DLG2: variants seen among roughly 807,000 people sequenced by gnomAD.
DLG2 encodes discs large MAGUK scaffold protein 2.
In DLG2, 45 loss-of-function variants were observed where a neutral mutation model predicts 132.5. The ratio of observed to expected loss-of-function variants is 0.34; its 90% CI spans 0.27 to 0.44. The LOEUF is 0.44. Ranked by LOEUF, DLG2 falls within the 20% of genes least tolerant of loss-of-function variation. The pLI, the probability that DLG2 is intolerant of heterozygous loss-of-function variation, is 1.00. For missense variants in DLG2, 1,045 were observed against 1,196.9 expected, an observed-to-expected ratio of 0.87 and a Z score of 1.87; for synonymous variants, 424 against 419.6, an observed-to-expected ratio of 1.01 and a Z score of -0.13.
chr11:84,536,144 A>T (rs932063376), intron 6 of DLG2, among the ~76,000 whole-genome samples: 6 of 152,090 alleles, frequency 3.9e-5, no homozygotes, highest in African/African-American at 1.4e-4. Context: ...TATCTCTCTC[A>T]ACAAAAATAA....
intron 7 of DLG2, among the ~76,000 whole-genome samples, chr11:84,521,106 T>C (rs1436703956): frequency 5.3e-5 from 8 of 152,202 alleles, no homozygotes; most frequent in Non-Finnish European, 1.2e-4. Flanking sequence ...AGTTAAATAA[T>C]GATGAGACTT....
Position 84,050,640 on chromosome 11 carries a change from T to C in DLG2, c.919+8675A>G, listed in dbSNP as rs192661379. On this transcript the variant is annotated intron_variant, in intron 11 of 27. Coordinates refer to ENST00000376104, the MANE Select transcript of DLG2 (RefSeq NM_001142699.3). Reference sequence around the variant, plus strand: ...TTGCCTAGGTTTTCTTCTAGGTTTGTATGGTTTTAGGTCTAACATTTAAGT... The same window carrying C: ...TTGCCTAGGTTTTCTTCTAGGTTTGCATGGTTTTAGGTCTAACATTTAAGT... Among the ~76,000 whole-genome samples the C allele has an allele frequency of 2.3e-3, 343 of 152,218 alleles. 1 individual carries two copies. The highest frequency in any genetic ancestry group is 4.2e-3 in the Non-Finnish European group (284 of 67,990).
chr11:84,641,785 T>C (rs963407423), intron 6 of DLG2, among the ~76,000 whole-genome samples: 2 of 152,018 alleles, frequency 1.3e-5, no homozygotes, highest in East Asian at 3.9e-4. Flanking sequence ...TAGTTCAATA[T>C]TTGTAAAATG....
intron 18 of DLG2, among the ~76,000 whole-genome samples, chr11:83,754,239 G>A (rs1364753470): frequency 6.6e-6 from 1 of 150,872 alleles, no homozygotes; most frequent in Non-Finnish European, 1.5e-5. Flanking sequence ...AATCAATTGT[G>A]CCCTATATTT....
intron 8 of DLG2, among the ~76,000 whole-genome samples, chr11:84,204,701 T>G (rs2096643128): frequency 6.6e-6 from 1 of 152,206 alleles, no homozygotes; most frequent in Non-Finnish European, 1.5e-5. Flanking sequence ...GATATACTTT[T>G]TAATTTATTT....
At chr11:84,316,302 A>C (rs1235924858) in intron 7 of DLG2, among the ~76,000 whole-genome samples, 1 of 152,142 alleles carries the variant, frequency 6.6e-6, no homozygotes, top group Non-Finnish European at 1.5e-5. Context: ...TTCTTTGTAA[A>C]ATTAATTATT....
At chr11:85,299,185 A>G (rs1448955286) in intron 3 of DLG2, among the ~76,000 whole-genome samples, 2 of 152,122 alleles carry the variant, frequency 1.3e-5, no homozygotes, top group Non-Finnish European at 2.9e-5. Context: ...GATAGGTATT[A>G]TTTTTATCCC....
chr11:85,086,102 C>T (rs1441430536), intron 6 of DLG2, among the ~76,000 whole-genome samples: 1 of 152,080 alleles, frequency 6.6e-6, no homozygotes, highest in Non-Finnish European at 1.5e-5. Context: ...TTAAATCACT[C>T]ATATTTTTAT....
At chr11:84,764,823 A>G (rs2068168544) in intron 6 of DLG2, among the ~76,000 whole-genome samples, 1 of 152,078 alleles carries the variant, frequency 6.6e-6, no homozygotes, top group Non-Finnish European at 1.5e-5. Context: ...CAAAGGAAAG[A>G]GAAGGTGCTA....
chr11:83,734,606 A>G (rs2091629133), intron 18 of DLG2, among the ~76,000 whole-genome samples: 1 of 152,052 alleles, frequency 6.6e-6, no homozygotes, highest in Admixed American at 6.6e-5. Flanking sequence ...ACAGGCTACA[A>G]TGCCAGGCTA....
At chr11:84,467,389 G>A (rs1373735541) in intron 7 of DLG2, among the ~76,000 whole-genome samples, 5 of 151,344 alleles carry the variant, frequency 3.3e-5, no homozygotes, top group Admixed American at 3.3e-4. Flanking sequence ...CTTATTTATA[G>A]AAAAAATGCC....
chr11:84,172,174 G>GTT (rs2095839967), intron 8 of DLG2, among the ~76,000 whole-genome samples: 1 of 152,134 alleles, frequency 6.6e-6, no homozygotes. Context: ...TTTAGAACCT[G>GTT]TTTTAATGTA....
intron 6 of DLG2, among the ~76,000 whole-genome samples, chr11:84,795,956 C>T (rs555608930): frequency 4.3e-4 from 65 of 152,334 alleles, no homozygotes; most frequent in Non-Finnish European, 2.9e-4. Flanking sequence ...TGCGCAGTGC[C>T]TGGACCCCAT....
intron 19 of DLG2, among the ~76,000 whole-genome samples, chr11:83,574,525 CAA>C (rs1467614702): frequency 6.6e-6 from 1 of 152,156 alleles, no homozygotes; most frequent in Non-Finnish European, 1.5e-5. Flanking sequence ...GATCATTTCT[CAA>C]GTCACCTTTG....
At chr11:84,626,633 C>T (rs1379642956) in intron 6 of DLG2, among the ~76,000 whole-genome samples, 1 of 152,066 alleles carries the variant, frequency 6.6e-6, no homozygotes, top group Non-Finnish European at 1.5e-5. Flanking sequence ...ATGAAAAAGG[C>T]ACTGCTTATA....
chr11:83,653,948 G>A (rs2071463629), intron 18 of DLG2, among the ~76,000 whole-genome samples: 1 of 152,112 alleles, frequency 6.6e-6, no homozygotes, highest in Non-Finnish European at 1.5e-5. Flanking sequence ...TCAAAATCCT[G>A]ACCTCAAGTG....
At chr11:85,406,228 G>A (rs974197398) in intron 3 of DLG2, among the ~76,000 whole-genome samples, 1 of 150,946 alleles carries the variant, frequency 6.6e-6, no homozygotes, top group Non-Finnish European at 1.5e-5. Context: ...TAAGAAACCA[G>A]GCTGCAATTT....
At chr11:84,790,691 T>C (rs926124900) in intron 6 of DLG2, among the ~76,000 whole-genome samples, 12 of 152,204 alleles carry the variant, frequency 7.9e-5, no homozygotes, top group Non-Finnish European at 1.8e-4. Context: ...TTCCCTTATG[T>C]TTCCTTGTAG....
intron 18 of DLG2, 176 bp downstream of exon 18, chr11:83,786,514 T>C: frequency 1.8e-6 from 1 of 559,194 alleles, no homozygotes; most frequent in African/African-American, 1.9e-5. Context: ...CCTGGAAGAT[T>C]AGAGGTAACA....
Sources: gnomAD v4.1 joint callset for allele counts (sites outside exome capture counted in the v4.1 genomes callset) on GRCh38, gnomAD v4.1.1 for gene constraint, MANE v1.5 for transcripts, NCBI Gene and HGNC (gene_info 2026-07-23, HGNC 2026-07-21) for gene names.